The following BLOC1S3 variants were observed in gnomAD, a reference collection of about 807,000 sequenced individuals.
BLOC1S3 encodes biogenesis of lysosome-related organelles complex 1 subunit 3.
In BLOC1S3, 7 loss-of-function variants were observed where a neutral mutation model predicts 9.1. That is an observed-to-expected ratio of 0.77 (90% CI 0.44 to 1.45). The LOEUF is 1.45. Among genes scored for constraint, BLOC1S3 ranks in the 40% most tolerant of loss-of-function variants. The probability of loss-of-function intolerance (pLI) is 0.01; values close to 1 mark genes in which losing one functional copy is unlikely to be tolerated. For missense variants in BLOC1S3, 307 were observed against 315.2 expected, an observed-to-expected ratio of 0.97 and a Z score of 0.20; for synonymous variants, 145 against 158.4, an observed-to-expected ratio of 0.92 and a Z score of 0.64.
rs1444391997 is a variant in BLOC1S3 at position 45,181,392 on chromosome 19, G to C, written c.*1487G>C. 1 of 167,112 alleles carries C rather than the reference G, an allele frequency of 6.0e-6. No individual in the cohort carries two copies. The highest frequency in any genetic ancestry group is 1.5e-5 in the Non-Finnish European group (1 of 68,162). The allele number at this position is 167,112 out of a possible 1,614,324, so 10.4% of individuals were successfully genotyped here. ...GATGATGCTCGCTCTCAACTCTGTA[G>C]GCCAAGGTGGCGTCTCCTCTTGACT... On this transcript the variant is annotated 3_prime_UTR_variant, in exon 2 of 2. Coordinates refer to ENST00000433642, the MANE Select transcript of BLOC1S3 (RefSeq NM_212550.5).
At chr19:45,198,346 C>T (rs1289389990) in intron 2 of BLOC1S3, among the ~76,000 whole-genome samples, 2 of 152,180 alleles carry the variant, frequency 1.3e-5, no homozygotes, top group African/African-American at 2.4e-5. Flanking sequence ...CTCTGGAGTG[C>T]AGTGGTGCGA....
intron 3 of BLOC1S3, chr19:45,212,873 T>A: frequency 1.8e-6 from 1 of 569,796 alleles, no homozygotes; most frequent in Non-Finnish European, 2.8e-6. Flanking sequence ...GTGTTGGGAT[T>A]ACAGGCATGA....
intron 3 of BLOC1S3, among the ~76,000 whole-genome samples, chr19:45,209,441 A>G (rs2122939191): frequency 6.6e-6 from 1 of 151,832 alleles, no homozygotes; most frequent in South Asian, 2.1e-4. Flanking sequence ...TTTTTTTCTG[A>G]GACAGTGTCT....
intron 3 of BLOC1S3, among the ~76,000 whole-genome samples, chr19:45,209,269 A>C (rs974545439): frequency 6.6e-6 from 1 of 151,660 alleles, no homozygotes; most frequent in African/African-American, 2.4e-5. Context: ...GGCTGGTCTT[A>C]AACTCCTGAC....
At chr19:45,205,510 A>G (rs1969720112) in intron 3 of BLOC1S3, among the ~76,000 whole-genome samples, 1 of 152,214 alleles carries the variant, frequency 6.6e-6, no homozygotes. Flanking sequence ...AGTTAACTCA[A>G]AATGGACCAC....
chr19:45,213,242 G>C (rs755095883), intron 3 of BLOC1S3: 3 of 1,613,338 alleles, frequency 1.9e-6, no homozygotes, highest in African/African-American at 2.7e-5. Flanking sequence ...TCCCGAGGGG[G>C]TGACAGGGCT....
chr19:45,182,514 A>G (rs1320642269), downstream of BLOC1S3, among the ~76,000 whole-genome samples: 1 of 151,760 alleles, frequency 6.6e-6, no homozygotes, highest in Admixed American at 6.6e-5. Flanking sequence ...CTAAAAATAC[A>G]TTAGCCAGGC....
At chr19:45,211,666 C>T (rs1306391540) in intron 3 of BLOC1S3, among the ~76,000 whole-genome samples, 4 of 138,270 alleles carry the variant, frequency 2.9e-5, no homozygotes, top group Non-Finnish European at 6.7e-5. Context: ...CTTCCTGCCT[C>T]GGGTCAGGAA....
intron 2 of BLOC1S3, among the ~76,000 whole-genome samples, chr19:45,202,051 G>C (rs373782023): frequency 6.6e-6 from 1 of 151,550 alleles, no homozygotes; most frequent in Non-Finnish European, 1.5e-5. Flanking sequence ...GTGAAACCCC[G>C]TCTCTACTAA....
Position 45,192,099 on chromosome 19 carries a change from G to C in BLOC1S3, n.180+4359G>C, listed in dbSNP as rs913542736. Among the ~76,000 whole-genome samples the C allele has an allele frequency of 2.6e-5, 4 of 152,296 alleles. No individual in the cohort carries two copies. The East Asian group carries it at 7.7e-4, about 29-fold the overall frequency. On this transcript the variant is annotated intron_variant and non_coding_transcript_variant, in intron 2 of 3. Coordinates refer to the BLOC1S3 transcript ENST00000591569. ...TTGGAAACCTTAGGGACTCTACCTG[G>C]TACTCTGTTCTACTGTGGCTGAGCT...
At chr19:45,192,902 G>A (rs1057390114) in intron 2 of BLOC1S3, among the ~76,000 whole-genome samples, 54 of 152,224 alleles carry the variant, frequency 3.5e-4, no homozygotes, top group African/African-American at 1.3e-3. Flanking sequence ...GGGAGGCTGA[G>A]GCAGGCAGAT....
intron 2 of BLOC1S3, among the ~76,000 whole-genome samples, chr19:45,197,824 C>CAAAAA (rs55654938): frequency 1.1e-4 from 7 of 63,596 alleles, no homozygotes; most frequent in Admixed American, 2.1e-4. Flanking sequence ...GACTCCGTCT[C>CAAAAA]AAAAAAAAAA....
chr19:45,213,668 G>A (rs1696175849), intron 3 of BLOC1S3, among the ~76,000 whole-genome samples: 1 of 152,048 alleles, frequency 6.6e-6, no homozygotes, highest in African/African-American at 2.4e-5. Context: ...TTCTCAGCTG[G>A]GTGCCGTGGC....
At chr19:45,189,602 T>G (rs904777549) in intron 2 of BLOC1S3, among the ~76,000 whole-genome samples, 1 of 150,804 alleles carries the variant, frequency 6.6e-6, no homozygotes, top group African/African-American at 2.4e-5. Flanking sequence ...CTGGCTTTTT[T>G]TTTTTTTTTT....
In BLOC1S3 at chr19:45,181,540, A is replaced by G. The variant is rs1488718965; in HGVS notation, c.*1635A>G. 1 of 167,060 alleles carries G rather than the reference A, an allele frequency of 6.0e-6. No individual in the cohort carries two copies. Among genetic ancestry groups the G allele is most frequent in the Admixed American group, 6.5e-5 (1 of 15,280 alleles). The allele number at this position is 167,060 out of a possible 1,614,324, so 10.3% of individuals were successfully genotyped here. A position where few individuals can be genotyped will look rare whatever the true frequency, so the allele number is the denominator to read the frequency against. ...CGATATGATGTGTGGATTTCACTAC[A>G]TTTGGCTCCTGGATGCTATAAAAGG... On this transcript the variant is annotated 3_prime_UTR_variant, in exon 2 of 2. Transcript: ENST00000433642.
intron 3 of BLOC1S3, among the ~76,000 whole-genome samples, chr19:45,212,272 G>A (rs1190426770): frequency 6.6e-6 from 1 of 152,206 alleles, no homozygotes; most frequent in Non-Finnish European, 1.5e-5. Context: ...CCAGGAGCTG[G>A]AGCCCAGCCC....
downstream of BLOC1S3, among the ~76,000 whole-genome samples, chr19:45,186,755 A>G (rs888939760): frequency 6.6e-6 from 1 of 151,484 alleles, no homozygotes; most frequent in Non-Finnish European, 1.5e-5. Context: ...GAGCCACCAC[A>G]CCCAGCCTCA....
intron 2 of BLOC1S3, among the ~76,000 whole-genome samples, chr19:45,201,093 C>G (rs550370285): frequency 1.3e-5 from 2 of 151,810 alleles, no homozygotes; most frequent in African/African-American, 4.8e-5. Context: ...GTCCCAGCTA[C>G]TTGGGAGGCT....
In BLOC1S3 at chr19:45,179,541, C is replaced by A; in HGVS notation, c.245C>A (p.Pro82Gln). 6.6e-7 allele frequency: 1 copy of A among 1,522,504 alleles called. No homozygotes were observed. Among genetic ancestry groups the A allele is most frequent in the Non-Finnish European group, 8.8e-7 (1 of 1,142,392 alleles). 94.3% of individuals were successfully genotyped at this position (1,522,504 alleles called of 1,614,324 possible). A position where few individuals can be genotyped will look rare whatever the true frequency, so the allele number is the denominator to read the frequency against. Residue 82 changes from proline to glutamine, a missense_variant, in exon 2 of 2, where the codon CCA becomes CAA. Coordinates refer to ENST00000433642, the MANE Select transcript of BLOC1S3 (RefSeq NM_212550.5). The surrounding 1 kb of genome is among the most constrained non-coding windows in gnomAD (Gnocchi z 4.6). ...EPTAAPRDLP[P>Q]LVVQRESAEE... The stretch of plus-strand genomic sequence containing the variant: ...ACGGCCGCGCCGAGGGACCTGCCTC[C>A]ACTCGTGGTGCAGCGGGAATCGGCG...
Sources: gnomAD v4.1 joint callset for allele counts (sites outside exome capture counted in the v4.1 genomes callset) on GRCh38, gnomAD v4.1.1 for gene constraint, Gnocchi (gnomAD v3.1) non-coding constraint, MANE v1.5 for transcripts, NCBI Gene and HGNC (gene_info 2026-07-23, HGNC 2026-07-21) for gene names.